The following GRM8 variants were observed in gnomAD, a reference collection of about 807,000 sequenced individuals.
The protein encoded by GRM8 is glutamate metabotropic receptor 8.
Under a neutral mutation model 87.2 loss-of-function variants are expected in GRM8, and 47 were observed. That is an observed-to-expected ratio of 0.54 (90% CI 0.43 to 0.69). The LOEUF is 0.69. Ranked by LOEUF, GRM8 falls within the 30% of genes least tolerant of loss-of-function variation. The pLI, the probability that GRM8 is intolerant of heterozygous loss-of-function variation, is 0.00. For missense variants in GRM8, 1,019 were observed against 1,139.2 expected, an observed-to-expected ratio of 0.89 and a Z score of 1.52; for synonymous variants, 396 against 404.5, an observed-to-expected ratio of 0.98 and a Z score of 0.25.
intron 3 of GRM8, among the ~76,000 whole-genome samples, chr7:127,031,242 C>T (rs368336852): frequency 2.0e-5 from 3 of 152,212 alleles, no homozygotes; most frequent in East Asian, 3.9e-4. Context: ...AGCTCCACTA[C>T]ATTTCTTCCT....
intron 7 of GRM8, among the ~76,000 whole-genome samples, chr7:126,717,453 G>A (rs1366696145): frequency 1.3e-5 from 2 of 152,140 alleles, no homozygotes; most frequent in African/African-American, 4.8e-5. Flanking sequence ...CTTCACACCA[G>A]GAGGGCAGCT....
rs538274927 is a variant in GRM8, at chr7:126,571,454, G to A, written c.1495-37567C>T. On this transcript the variant is annotated intron_variant, in intron 8 of 10. Transcript: ENST00000339582. ...TGATCTATATACAGGACAAGGATGG[G>A]AGACCCATCCCACTCAACTGGCATT... Among the ~76,000 whole-genome samples, 65 of 152,248 alleles carry A rather than the reference G, an allele frequency of 4.3e-4. 1 individual carries two copies. Among genetic ancestry groups the A allele is most frequent in the African/African-American group, 1.5e-3 (61 of 41,558 alleles).
At chr7:127,073,785 A>C (rs1159267492) in intron 3 of GRM8, among the ~76,000 whole-genome samples, 2 of 152,140 alleles carry the variant, frequency 1.3e-5, no homozygotes, top group African/African-American at 4.8e-5. Context: ...GATCCTCTAG[A>C]TTGCAACCAG....
intron 2 of GRM8, among the ~76,000 whole-genome samples, chr7:127,227,892 C>A (rs750163118): frequency 5.9e-5 from 9 of 152,318 alleles, no homozygotes; most frequent in Non-Finnish European, 1.0e-4. Context: ...CACTGCCCAC[C>A]ATGGGTGTGC....
At chr7:127,138,840 G>A (rs1051846593) in intron 2 of GRM8, among the ~76,000 whole-genome samples, 2 of 151,970 alleles carry the variant, frequency 1.3e-5, no homozygotes, top group African/African-American at 2.4e-5. Flanking sequence ...TAAACAAGAC[G>A]AAAATCAGAA....
At chr7:126,586,005 G>T (rs1471369963) in intron 8 of GRM8, among the ~76,000 whole-genome samples, 1 of 152,176 alleles carries the variant, frequency 6.6e-6, no homozygotes, top group African/African-American at 2.4e-5. Flanking sequence ...AAATCAATGT[G>T]CAAAAATCAC....
chr7:126,910,963 A>G (rs1803222915), intron 3 of GRM8, among the ~76,000 whole-genome samples: 1 of 152,224 alleles, frequency 6.6e-6, no homozygotes, highest in Non-Finnish European at 1.5e-5. Context: ...AATGAGGTTC[A>G]TAATAACTAT....
chr7:126,921,798 T>C (rs751105248), intron 3 of GRM8, among the ~76,000 whole-genome samples: 15 of 152,152 alleles, frequency 9.9e-5, no homozygotes, highest in South Asian at 4.1e-4. Flanking sequence ...TTACCTTCCA[T>C]GCATACCTTT....
At chr7:126,439,280 A>G (rs1801183005) in intron 10 of GRM8, 112 bp from the exon 11 acceptor site, 1 of 696,770 alleles carries the variant, frequency 1.4e-6, no homozygotes, top group East Asian at 2.7e-5. Context: ...TCCAGCTTTT[A>G]CAGCATGTTA....
At chr7:126,806,586 T>A (rs1180062904) in intron 6 of GRM8, among the ~76,000 whole-genome samples, 2 of 152,232 alleles carry the variant, frequency 1.3e-5, no homozygotes, top group Non-Finnish European at 1.5e-5. Flanking sequence ...TACAAACCTT[T>A]GGCTAGACAC....
intron 3 of GRM8, among the ~76,000 whole-genome samples, chr7:126,925,470 G>T (rs369877106): frequency 6.6e-6 from 1 of 151,984 alleles, no homozygotes; most frequent in East Asian, 1.9e-4. Context: ...AAACTGATTT[G>T]GTATTTTTTA....
intron 6 of GRM8, among the ~76,000 whole-genome samples, chr7:126,794,547 T>A (rs1821751841): frequency 6.6e-6 from 1 of 152,168 alleles, no homozygotes; most frequent in Non-Finnish European, 1.5e-5. Context: ...CTAATCAATA[T>A]CATTTATTCT....
chr7:126,657,631 T>C lies in GRM8; in HGVS notation c.1358-48133A>G, dbSNP rs73720726. On this transcript the variant is annotated intron_variant, in intron 7 of 10. Coordinates refer to ENST00000339582, the MANE Select transcript of GRM8 (RefSeq NM_000845.3). ...ATTTCAGAACTTCTGAACTCCAGAG[T>C]CTGCAGGCTTTAGGAAGAAAGTGTT... Among the ~76,000 whole-genome samples the C allele has an allele frequency of 6.5e-3, 984 of 152,312 alleles. 8 individuals are homozygous for C. Among genetic ancestry groups the C allele is most frequent in the Middle Eastern group, 0.02 (6 of 294 alleles).
chr7:126,916,561 T>C (rs928332349), intron 3 of GRM8, among the ~76,000 whole-genome samples: 8 of 152,246 alleles, frequency 5.3e-5, no homozygotes, highest in Non-Finnish European at 8.8e-5. Flanking sequence ...GCTTATAATC[T>C]ATGTGCACTC....
At chr7:126,669,826 G>A (rs1806195395) in intron 7 of GRM8, among the ~76,000 whole-genome samples, 1 of 152,160 alleles carries the variant, frequency 6.6e-6, no homozygotes, top group Admixed American at 6.5e-5. Flanking sequence ...AATGTTATAA[G>A]AAGGCATGGA....
At chr7:127,020,977 T>C (rs539708607) in intron 3 of GRM8, among the ~76,000 whole-genome samples, 1 of 152,134 alleles carries the variant, frequency 6.6e-6, no homozygotes, top group Non-Finnish European at 1.5e-5. Flanking sequence ...TAGTACATTA[T>C]TGAAGAAGAG....
In GRM8 at chr7:127,252,562, CT is replaced by C. The variant is rs1240199037; in HGVS notation, c.-312+234del. ...ACAGACTACGGACATGCAGGGCCAT[CT>C]ACTTGTGCTCAGGAAAAACAAATCA... On this transcript the variant is annotated intron_variant, in intron 1 of 10. Transcript: ENST00000339582. The surrounding 1 kb of genome is among the most constrained non-coding windows in gnomAD (Gnocchi z 4.9). Among the ~76,000 whole-genome samples the C allele has an allele frequency of 6.6e-6, 1 of 152,090 alleles. No homozygotes were observed. Among genetic ancestry groups the C allele is most frequent in the Non-Finnish European group, 1.5e-5 (1 of 68,030 alleles).
chr7:126,892,021 T>TTAAA (rs762115891), intron 6 of GRM8, among the ~76,000 whole-genome samples: 1 of 95,072 alleles, frequency 1.1e-5, no homozygotes, highest in Non-Finnish European at 2.0e-5. Flanking sequence ...TCTTGCAGGG[T>TTAAA]AAAAAAAAAA....
At chr7:126,916,296 C>T (rs142273853) in intron 3 of GRM8, among the ~76,000 whole-genome samples, 86 of 152,284 alleles carry the variant, frequency 5.6e-4, no homozygotes, top group African/African-American at 2.0e-3. Flanking sequence ...ATTTCTAAGT[C>T]TAGTGAAGCC....
Sources: allele counts gnomAD v4.1 joint callset (sites outside exome capture counted in the v4.1 genomes callset), GRCh38; gene constraint gnomAD v4.1.1; non-coding constraint Gnocchi (gnomAD v3.1); transcripts MANE v1.5; gene names NCBI Gene and HGNC (gene_info 2026-07-23, HGNC 2026-07-21).